The following ZNF638 variants were observed in gnomAD, a reference collection of about 807,000 sequenced individuals.
The protein encoded by ZNF638 is zinc finger protein 638.
In ZNF638, 46 loss-of-function variants were observed where a neutral mutation model predicts 195.6. The ratio of observed to expected loss-of-function variants is 0.24; its 90% CI spans 0.19 to 0.30. ZNF638 has a LOEUF of 0.30. Ranked by LOEUF, ZNF638 falls within the 10% of genes least tolerant of loss-of-function variation. The pLI, the probability that ZNF638 is intolerant of heterozygous loss-of-function variation, is 1.00. For synonymous variants in ZNF638, 845 were observed against 772.0 expected (o/e 1.09, Z -1.57); for missense variants, 2,440 against 2,325.3 (o/e 1.05, Z -1.01).
chr2:71,408,779 G>A (rs182324264), intron 20 of ZNF638: 2 of 434,768 alleles, frequency 4.6e-6, no homozygotes, highest in African/African-American at 2.1e-5. Flanking sequence ...TGATATCAGA[G>A]GTAAGTAATA....
rs576337741 is a variant in ZNF638, at chr2:71,388,866, G to A, written c.2378-7275G>A. The A allele has an allele frequency of 7.8e-5, 50 of 640,852 alleles. No individual in the cohort carries two copies. The African/African-American group carries it at 8.9e-4, about 11-fold the overall frequency. 39.7% of individuals were successfully genotyped at this position (640,852 alleles called of 1,614,324 possible). Reference sequence around the variant, plus strand: ...ACTGCTTAAAGCTAGCAGAGCCTCGGTTTCACAGGCTCAGTTAAGGGTCCT... The same window carrying A: ...ACTGCTTAAAGCTAGCAGAGCCTCGATTTCACAGGCTCAGTTAAGGGTCCT... On this transcript the variant is annotated intron_variant, in intron 10 of 27. Transcript: ENST00000264447.
intron 5 of ZNF638, among the ~76,000 whole-genome samples, chr2:71,365,225 C>T (rs1357229913): frequency 3.3e-5 from 5 of 152,036 alleles, no homozygotes; most frequent in African/African-American, 1.2e-4. Context: ...GTAAAGCAAT[C>T]TCAAAACCAA....
chr2:71,342,324 G>C (rs2078775800), intron 1 of ZNF638, among the ~76,000 whole-genome samples: 1 of 151,602 alleles, frequency 6.6e-6, no homozygotes, highest in Non-Finnish European at 1.5e-5. Flanking sequence ...TAGGGACTCA[G>C]CTTCCACAAC....
At chr2:71,342,405 C>T (rs942038678) in intron 1 of ZNF638, among the ~76,000 whole-genome samples, 1 of 151,904 alleles carries the variant, frequency 6.6e-6, no homozygotes, top group Non-Finnish European at 1.5e-5. Context: ...TGCCCCACTA[C>T]ACATGTTCAC....
chr2:71,426,308 A>T (rs1242320397), intron 23 of ZNF638, 152 bp from the exon 24 acceptor site: 2 of 584,380 alleles, frequency 3.4e-6, no homozygotes, highest in Non-Finnish European at 5.8e-6. Context: ...GTGGGGCTTT[A>T]AAAAAAACAA....
intron 1 of ZNF638, among the ~76,000 whole-genome samples, chr2:71,334,915 C>T (rs1389793795): frequency 6.7e-6 from 1 of 148,500 alleles, no homozygotes; most frequent in African/African-American, 2.5e-5. Flanking sequence ...AGCTAGACTC[C>T]GTCTCCAAAA....
chr2:71,344,336 T>C (rs749220904), intron 1 of ZNF638, among the ~76,000 whole-genome samples: 2 of 152,196 alleles, frequency 1.3e-5, no homozygotes, highest in Non-Finnish European at 2.9e-5. Flanking sequence ...AGATGTACTA[T>C]AGTTTATTTG....
In ZNF638 at chr2:71,401,111, G is replaced by A. The variant is rs1417902082; in HGVS notation, c.2697+593G>A. Among the ~76,000 whole-genome samples, 5 of 152,190 alleles carry A rather than the reference G, an allele frequency of 3.3e-5. No individual in the cohort carries two copies. The East Asian group carries it at 9.6e-4, about 29-fold the overall frequency. On this transcript the variant is annotated intron_variant, in intron 15 of 27. Transcript: ENST00000264447. ...TCTTCAAGTAGTAACTAAGTAGTAA[G>A]TCTTATTTTAGGAAGAGTATTTTAT...
intron 1 of ZNF638, among the ~76,000 whole-genome samples, chr2:71,339,021 C>T (rs1357963161): frequency 6.6e-6 from 1 of 152,130 alleles, no homozygotes; most frequent in Non-Finnish European, 1.5e-5. Flanking sequence ...TTGTGCTAAC[C>T]ATAAAGAGGT....
intron 1 of ZNF638, among the ~76,000 whole-genome samples, chr2:71,333,715 G>A (rs962047769): frequency 2.4e-4 from 36 of 147,958 alleles, no homozygotes; most frequent in African/African-American, 8.6e-4. Context: ...TCCTCAGTAT[G>A]TGTGAGACTT....
In ZNF638 at chr2:71,359,206, G is replaced by T. The variant is rs372465045; in HGVS notation, c.1379+3426G>T. Among the ~76,000 whole-genome samples the T allele has an allele frequency of 1.4e-4, 22 of 152,272 alleles. 1 individual carries two copies. Among genetic ancestry groups the T allele is most frequent in the South Asian group, 6.2e-4 (3 of 4,812 alleles). The stretch of plus-strand genomic sequence containing the variant: ...AGGCGGAGAAGTCCCACAATATGCT[G>T]TCTGTGTGTTGAAGACTCTGGGTTT... On this transcript the variant is annotated intron_variant, in intron 3 of 27. Transcript: ENST00000264447.
At chr2:71,434,252 C>T (rs1448299252) in intron 27 of ZNF638, among the ~76,000 whole-genome samples, 1 of 152,122 alleles carries the variant, frequency 6.6e-6, no homozygotes, top group Admixed American at 6.6e-5. Flanking sequence ...TGCCTTTGCA[C>T]CTTTATACTG....
At chr2:71,341,552 A>G (rs75341043) in intron 1 of ZNF638, among the ~76,000 whole-genome samples, 73 of 152,152 alleles carry the variant, frequency 4.8e-4, no homozygotes, top group African/African-American at 1.7e-3. Context: ...ATTGGTAAGG[A>G]TTTTGTTTGC....
At chr2:71,389,734 A>G (rs1409264240) in intron 10 of ZNF638, among the ~76,000 whole-genome samples, 1 of 152,218 alleles carries the variant, frequency 6.6e-6, no homozygotes, top group African/African-American at 2.4e-5. Flanking sequence ...ATGTTCGACA[A>G]GGGCCTCAGG....
At chr2:71,418,818 T>TG (rs1302203274) in intron 21 of ZNF638, among the ~76,000 whole-genome samples, 179 bp downstream of exon 21, 1 of 152,218 alleles carries the variant, frequency 6.6e-6, no homozygotes, top group East Asian at 1.9e-4. Flanking sequence ...GGAGTTTCGT[T>TG]TGTTGCTTTT....
chr2:71,380,813 T>C (rs2079522946), intron 10 of ZNF638: 2 of 322,262 alleles, frequency 6.2e-6, no homozygotes, highest in East Asian at 1.0e-4. Flanking sequence ...GTTCCACAGT[T>C]AATAGCTGTT....
At chr2:71,384,718 T>C (rs1006061262) in intron 10 of ZNF638, among the ~76,000 whole-genome samples, 2 of 152,292 alleles carry the variant, frequency 1.3e-5, no homozygotes, top group Admixed American at 1.3e-4. Flanking sequence ...CTTTTCTCTT[T>C]TTTAGAAATA....
rs759702639 is a variant in ZNF638 at position 71,349,805 on chromosome 2, T to G, written c.851T>G (p.Phe284Cys). ...GGTGAGTCCTCCAATAATCGGTCCTTTTTCTCAGTTGAGAGTGGAACCAAG... is the reference window on the plus strand; with the variant it reads ...GGTGAGTCCTCCAATAATCGGTCCTGTTTCTCAGTTGAGAGTGGAACCAAG... Reference protein sequence around the residue: ...FPGESSNNRSFFSVESGTKMS... With the variant: ...FPGESSNNRSCFSVESGTKMS... The change falls in exon 2 of 28, where the codon TTT (phenylalanine) becomes TGT (cysteine). Residue 284 changes from phenylalanine (F) to cysteine (C), a missense_variant. Phe to Cys is a radical substitution (Grantham distance 205). Coordinates refer to ENST00000264447, the MANE Select transcript of ZNF638 (RefSeq NM_014497.5). The G allele has an allele frequency of 6.2e-7, 1 of 1,614,188 alleles. No homozygotes were observed.
rs145635500 is a variant in ZNF638 at position 71,410,004 on chromosome 2, A to G, written c.3261+1757A>G. On this transcript the variant is annotated intron_variant, in intron 20 of 27. Transcript: ENST00000264447. ...AACTGACTTTATTTTGCTCTTACGT[A>G]TTTCATTGATTGATTGTCTAGATGT... Among the ~76,000 whole-genome samples, 323 of 152,112 alleles carry G rather than the reference A, an allele frequency of 2.1e-3. 2 individuals carry two copies. The highest frequency in any genetic ancestry group is 7.4e-3 in the African/African-American group (307 of 41,488).
Sources: gnomAD v4.1 joint callset for allele counts (sites outside exome capture counted in the v4.1 genomes callset) on GRCh38, gnomAD v4.1.1 for gene constraint, MANE v1.5 for transcripts, NCBI Gene and HGNC (gene_info 2026-07-23, HGNC 2026-07-21) for gene names.